The following SRGAP1 variants were observed in gnomAD, a reference collection of about 807,000 sequenced individuals.
The protein encoded by SRGAP1 is SLIT-ROBO Rho GTPase activating protein 1.
A neutral mutation model predicts 121.9 loss-of-function variants in SRGAP1; 43 were observed. The ratio of observed to expected loss-of-function variants is 0.35; its 90% CI spans 0.28 to 0.46. SRGAP1 has a LOEUF of 0.46. SRGAP1 is among the 20% of genes least tolerant of loss of function. The pLI, the probability that SRGAP1 is intolerant of heterozygous loss-of-function variation, is 1.00. For missense variants in SRGAP1, 1,102 were observed against 1,350.9 expected (o/e 0.82, Z 2.89); for synonymous variants, 447 against 485.4 (o/e 0.92, Z 1.04).
chr12:64,068,480 GTTAA>G (rs1565666071), intron 8 of SRGAP1, among the ~76,000 whole-genome samples: 12 of 150,294 alleles, frequency 8.0e-5, no homozygotes, highest in South Asian at 4.2e-4. Context: ...GACTACAAGT[GTTAA>G]CCACCGTGCC....
intron 14 of SRGAP1, among the ~76,000 whole-genome samples, chr12:64,096,791 G>A (rs1022410510): frequency 6.6e-6 from 1 of 152,132 alleles, no homozygotes; most frequent in Non-Finnish European, 1.5e-5. Flanking sequence ...TCACAATTCA[G>A]TGGCACCTAT....
In SRGAP1 at chr12:64,075,024, C is replaced by T. The variant is rs568463998; in HGVS notation, c.1126-3895C>T. ...CATTTTGAGTCTGCCGAGACCACCTCGGTCGGGGAGACCCTAACCCAGCGG... is the reference window on the plus strand; with the variant it reads ...CATTTTGAGTCTGCCGAGACCACCTTGGTCGGGGAGACCCTAACCCAGCGG... On this transcript the variant is annotated intron_variant, in intron 8 of 21. Coordinates refer to ENST00000355086, the MANE Select transcript of SRGAP1 (RefSeq NM_020762.4). Among the ~76,000 whole-genome samples, 340 of 151,722 alleles carry T rather than the reference C, an allele frequency of 2.2e-3. 2 individuals carry two copies. The highest frequency in any genetic ancestry group is 7.7e-3 in the African/African-American group (318 of 41,500).
chr12:63,882,490 G>C (rs1900226265), intron 1 of SRGAP1, among the ~76,000 whole-genome samples: 1 of 152,044 alleles, frequency 6.6e-6, no homozygotes, highest in South Asian at 2.1e-4. Context: ...CAGCATGTTG[G>C]CCAGGCTGGT....
chr12:64,005,468 C>T (rs1019957322), intron 3 of SRGAP1, among the ~76,000 whole-genome samples: 8 of 151,704 alleles, frequency 5.3e-5, no homozygotes, highest in Non-Finnish European at 1.0e-4. Context: ...ATAGCAAGAC[C>T]CCCATTTTAC....
chr12:64,079,151 C>T, intron 9 of SRGAP1, 35 bp downstream of exon 9: 1 of 1,611,418 alleles, frequency 6.2e-7, no homozygotes, highest in African/African-American at 1.3e-5. Context: ...CTCTACAGAG[C>T]TCAGATCTAG....
chr12:64,080,234 ACT>A (rs1042491676), intron 9 of SRGAP1, 50 bp from the exon 10 acceptor site: 7 of 1,483,672 alleles, frequency 4.7e-6, no homozygotes, highest in Middle Eastern at 1.8e-4. Context: ...CAAGAATGAA[ACT>A]CTGTCTCAAA....
intron 21 of SRGAP1, among the ~76,000 whole-genome samples, chr12:64,142,054 C>A (rs1034182761): frequency 3.8e-4 from 58 of 152,104 alleles, no homozygotes; most frequent in African/African-American, 1.4e-3. Context: ...TACCTTAGGG[C>A]CTTAGGAAGG....
At chr12:64,085,757 C>T (rs2035925657) in intron 10 of SRGAP1, among the ~76,000 whole-genome samples, 1 of 152,112 alleles carries the variant, frequency 6.6e-6, no homozygotes, top group South Asian at 2.1e-4. Flanking sequence ...AGAAGGCCAG[C>T]AAAAGGAAGG....
intron 6 of SRGAP1, 166 bp downstream of exon 6, chr12:64,043,741 A>G: frequency 2.0e-6 from 1 of 497,496 alleles, no homozygotes; most frequent in Non-Finnish European, 3.4e-6. Context: ...AGACACTATC[A>G]TCTGTAAGAT....
chr12:63,864,221 T>A (rs1218084559), intron 1 of SRGAP1, among the ~76,000 whole-genome samples: 1 of 152,166 alleles, frequency 6.6e-6, no homozygotes, highest in African/African-American at 2.4e-5. Flanking sequence ...TTCCAAGATT[T>A]CCTCCAGCAA....
chr12:64,027,213 G>A (rs1218040058), intron 4 of SRGAP1, among the ~76,000 whole-genome samples: 1 of 152,086 alleles, frequency 6.6e-6, no homozygotes, highest in African/African-American at 2.4e-5. Flanking sequence ...GGTAGTTGAG[G>A]CAGAGAGATG....
intron 18 of SRGAP1, among the ~76,000 whole-genome samples, chr12:64,118,710 CTTAT>C (rs377520467): frequency 9.9e-4 from 149 of 150,446 alleles, no homozygotes; most frequent in East Asian, 1.2e-3. Context: ...TCTTTGGTGC[CTTAT>C]TTATTTATTT....
At position 64,162,106 on chromosome 12, in the gene SRGAP1, G is replaced by A. The variant is rs1330654354; in HGVS notation, c.*19434G>A. 7 of 152,162 alleles carry A rather than the reference G, an allele frequency of 4.6e-5. No homozygotes were observed. Among genetic ancestry groups the A allele is most frequent in the Admixed American group, 4.6e-4 (7 of 15,276 alleles). The allele number at this position is 152,162 out of a possible 1,614,324, so 9.4% of individuals were successfully genotyped here. On this transcript the variant is annotated 3_prime_UTR_variant, in exon 22 of 22. Transcript: ENST00000355086. Reference sequence around the variant, plus strand: ...ATGACTGCTAATGGGAGTATGGGATGTTCTTTTGGGGCTGATAAAATGTTC... The same window carrying A: ...ATGACTGCTAATGGGAGTATGGGATATTCTTTTGGGGCTGATAAAATGTTC...
chr12:64,108,996 G>C lies in SRGAP1; in HGVS notation c.1878G>C (p.Ser626=). ...IRKLLLTLPR[S]VLIVMRYLFA... Reference sequence around the variant, plus strand: ...AACTCCTCCTGACTTTGCCCAGGTCGGTCCTTATAGTGATGAGGTACCTCT... The same window carrying C: ...AACTCCTCCTGACTTTGCCCAGGTCCGTCCTTATAGTGATGAGGTACCTCT... Residue 626 remains serine (S), a synonymous_variant, in exon 16 of 22, where the codon TCG becomes TCC. Coordinates refer to ENST00000355086, the MANE Select transcript of SRGAP1 (RefSeq NM_020762.4). 1 of 1,596,554 alleles carries C rather than the reference G, an allele frequency of 6.3e-7. No individual in the cohort carries two copies.
At chr12:63,905,622 G>A (rs182980412) in intron 1 of SRGAP1, among the ~76,000 whole-genome samples, 76 of 152,224 alleles carry the variant, frequency 5.0e-4, no homozygotes, top group African/African-American at 1.8e-3. Context: ...TCAGTACGTC[G>A]GAAAGGAGAA....
At chr12:63,996,554 G>A (rs1458905895) in intron 3 of SRGAP1, among the ~76,000 whole-genome samples, 1 of 151,952 alleles carries the variant, frequency 6.6e-6, no homozygotes, top group Non-Finnish European at 1.5e-5. Flanking sequence ...GAGTAATGAT[G>A]GTCATGGTTG....
intron 1 of SRGAP1, among the ~76,000 whole-genome samples, chr12:63,955,092 C>T (rs1370815153): frequency 2.6e-5 from 4 of 152,112 alleles, no homozygotes; most frequent in East Asian, 1.9e-4. Context: ...CCGAGGTGGG[C>T]GGATCACTTG....
At chr12:63,943,726 A>T (rs1385969451) in intron 1 of SRGAP1, among the ~76,000 whole-genome samples, 1 of 152,156 alleles carries the variant, frequency 6.6e-6, no homozygotes, top group Admixed American at 6.5e-5. Context: ...AGGCATCAAG[A>T]ATGGAGATAT....
At chr12:64,048,259 T>A (rs2035173723) in intron 6 of SRGAP1, among the ~76,000 whole-genome samples, 1 of 152,202 alleles carries the variant, frequency 6.6e-6, no homozygotes, top group Admixed American at 6.6e-5. Flanking sequence ...TGTCTTTCTG[T>A]GCCTGGCTTA....
Sources: gnomAD v4.1 joint callset for allele counts (sites outside exome capture counted in the v4.1 genomes callset) on GRCh38, gnomAD v4.1.1 for gene constraint, MANE v1.5 for transcripts, NCBI Gene and HGNC (gene_info 2026-07-23, HGNC 2026-07-21) for gene names.